The following ATP8A2 variants were observed in gnomAD, a reference collection of about 807,000 sequenced individuals.
ATP8A2 encodes ATPase phospholipid transporting 8A2, also known as phospholipid-transporting ATPase IB.
In ATP8A2, 100 loss-of-function variants were observed where a neutral mutation model predicts 165.6. The ratio of observed to expected loss-of-function variants is 0.60; its 90% CI spans 0.51 to 0.71. The LOEUF (loss-of-function observed/expected upper bound fraction) is 0.71. Ranked by LOEUF, ATP8A2 falls within the 30% of genes least tolerant of loss-of-function variation. ATP8A2 has a pLI of 0.00. For synonymous variants in ATP8A2, 543 were observed against 548.8 expected, an observed-to-expected ratio of 0.99 and a Z score of 0.15; for missense variants, 1,227 against 1,479.5, an observed-to-expected ratio of 0.83 and a Z score of 2.80.
chr13:25,717,535 G>A (rs1050729168), intron 25 of ATP8A2, among the ~76,000 whole-genome samples: 3 of 151,870 alleles, frequency 2.0e-5, no homozygotes, highest in Admixed American at 2.0e-4. Flanking sequence ...ATGAAACTGG[G>A]TAAGTGGTGG....
At chr13:25,841,127 G>A (rs1951740117) in intron 30 of ATP8A2, among the ~76,000 whole-genome samples, 2 of 152,206 alleles carry the variant, frequency 1.3e-5, no homozygotes, top group Admixed American at 6.5e-5. Context: ...TTCAGTTGGT[G>A]CCTTGTGGTT....
At chr13:25,722,287 T>C (rs780475751) in intron 25 of ATP8A2, among the ~76,000 whole-genome samples, 17 of 152,310 alleles carry the variant, frequency 1.1e-4, no homozygotes, top group Non-Finnish European at 2.2e-4. Flanking sequence ...TGGCAGTAGC[T>C]GATCCCTTTT....
At chr13:25,411,120 A>G (rs887785978) in intron 1 of ATP8A2, among the ~76,000 whole-genome samples, 10 of 152,180 alleles carry the variant, frequency 6.6e-5, no homozygotes, top group Non-Finnish European at 1.3e-4. Flanking sequence ...GTTTATTTAT[A>G]ATGTTGTCAA....
chr13:25,532,141 A>G (rs1047513132), intron 4 of ATP8A2, 131 bp from the exon 5 acceptor site: 7 of 727,538 alleles, frequency 9.6e-6, no homozygotes, highest in Admixed American at 2.7e-5. Context: ...GTCTAACTGA[A>G]TTTTACAGCA....
intron 1 of ATP8A2, among the ~76,000 whole-genome samples, chr13:25,464,235 G>T (rs1042309803): frequency 1.3e-5 from 2 of 152,086 alleles, no homozygotes; most frequent in Non-Finnish European, 2.9e-5. Flanking sequence ...ATAGGAATTT[G>T]TCCCTCCTCT....
At chr13:25,820,235 T>C (rs2138564591) in intron 27 of ATP8A2, among the ~76,000 whole-genome samples, 1 of 152,058 alleles carries the variant, frequency 6.6e-6, no homozygotes, top group South Asian at 2.1e-4. Flanking sequence ...CAAAGAAGGG[T>C]CTTTTTTTTC....
At chr13:25,870,071 A>G (rs1257372937) in intron 33 of ATP8A2, among the ~76,000 whole-genome samples, 1 of 152,128 alleles carries the variant, frequency 6.6e-6, no homozygotes, top group Admixed American at 6.5e-5. Context: ...CAGAAGGGAG[A>G]TGACTTTTCC....
At chr13:25,489,471 CTT>C (rs1281495004) in intron 2 of ATP8A2, among the ~76,000 whole-genome samples, 3 of 152,168 alleles carry the variant, frequency 2.0e-5, no homozygotes, top group Non-Finnish European at 4.4e-5. Flanking sequence ...TTCTCAGACT[CTT>C]TTGCTCTGGA....
intron 25 of ATP8A2, among the ~76,000 whole-genome samples, chr13:25,706,854 A>C (rs996178481): frequency 6.6e-6 from 1 of 152,152 alleles, no homozygotes; most frequent in African/African-American, 2.4e-5. Flanking sequence ...ATTAAGGTAG[A>C]ATTCACTTTT....
chr13:25,395,193 A>G (rs1340166611), intron 1 of ATP8A2, among the ~76,000 whole-genome samples: 2 of 152,126 alleles, frequency 1.3e-5, no homozygotes, highest in South Asian at 2.1e-4. Context: ...GTAGAGGGGC[A>G]GGGTTTTCCA....
intron 33 of ATP8A2, among the ~76,000 whole-genome samples, chr13:25,957,253 A>G (rs1955548435): frequency 6.6e-6 from 1 of 152,240 alleles, no homozygotes; most frequent in Admixed American, 6.5e-5. Flanking sequence ...ATGGCAACAA[A>G]AGCCAAAATT....
At chr13:25,786,761 T>A (rs1335850565) in intron 27 of ATP8A2, among the ~76,000 whole-genome samples, 1 of 150,778 alleles carries the variant, frequency 6.6e-6, no homozygotes, top group Non-Finnish European at 1.5e-5. Context: ...TATGTTTTTT[T>A]TTTTTTTTTT....
At chr13:25,974,091 G>A (rs912973003) in intron 35 of ATP8A2, among the ~76,000 whole-genome samples, 1 of 152,178 alleles carries the variant, frequency 6.6e-6, no homozygotes, top group Non-Finnish European at 1.5e-5. Flanking sequence ...GCAGAGAAGC[G>A]AGTGCAGACG....
intron 36 of ATP8A2, among the ~76,000 whole-genome samples, chr13:26,014,402 A>C (rs1956919104): frequency 6.6e-6 from 1 of 152,220 alleles, no homozygotes; most frequent in African/African-American, 2.4e-5. Context: ...TTAGGGGTTT[A>C]TATAGCAGGG....
At chr13:25,534,988 C>G (rs2038230788) in intron 6 of ATP8A2, among the ~76,000 whole-genome samples, 1 of 152,314 alleles carries the variant, frequency 6.6e-6, no homozygotes, top group South Asian at 2.1e-4. Flanking sequence ...AGAGAGGCAA[C>G]TAACCTAACG....
chr13:25,570,919 C>A (rs772416288), intron 17 of ATP8A2, 47 bp downstream of exon 17: 3 of 1,376,068 alleles, frequency 2.2e-6, no homozygotes, highest in Non-Finnish European at 3.1e-6. Context: ...TCTCAGGACA[C>A]CTGGGTGTTG....
chr13:25,506,466 C>T (rs915079680), intron 2 of ATP8A2, among the ~76,000 whole-genome samples: 7 of 152,176 alleles, frequency 4.6e-5, no homozygotes, highest in East Asian at 1.9e-4. Flanking sequence ...TGGACATTTG[C>T]GTATTTCAGA....
At chr13:25,643,458 T>G (rs1332723319) in intron 24 of ATP8A2, among the ~76,000 whole-genome samples, 1 of 152,104 alleles carries the variant, frequency 6.6e-6, no homozygotes, top group East Asian at 1.9e-4. Flanking sequence ...TTATATATGG[T>G]AAGAGACAGG....
At chr13:26,018,387 T>C (rs947574988) in intron 36 of ATP8A2, among the ~76,000 whole-genome samples, 2 of 152,236 alleles carry the variant, frequency 1.3e-5, no homozygotes, top group Admixed American at 6.5e-5. Flanking sequence ...ATTTCCTTTT[T>C]AAGCCAGATG....
Sources: gnomAD v4.1 joint callset for allele counts (sites outside exome capture counted in the v4.1 genomes callset) on GRCh38, gnomAD v4.1.1 for gene constraint, MANE v1.5 for transcripts, NCBI Gene and HGNC (gene_info 2026-07-23, HGNC 2026-07-21) for gene names.